Variants in ANGPT2 observed in about 807,000 individuals in gnomAD.
The protein encoded by ANGPT2 is angiopoietin 2, also known as angiopoietin-2.
ANGPT2 carries 28 observed loss-of-function variants against 62.9 expected under a neutral mutation model. The ratio of observed to expected loss-of-function variants is 0.44; its 90% CI spans 0.33 to 0.61. The LOEUF is 0.61. Among genes scored for constraint, ANGPT2 ranks in the 20% least tolerant of loss-of-function variants. The pLI is 0.03. For synonymous variants in ANGPT2, 284 were observed against 207.8 expected, an observed-to-expected ratio of 1.37 and a Z score of -3.15; for missense variants, 727 against 594.9, an observed-to-expected ratio of 1.22 and a Z score of -2.31.
intron 8 of ANGPT2, among the ~76,000 whole-genome samples, chr8:6,506,837 G>C (rs1813822768): frequency 6.7e-6 from 1 of 149,872 alleles, no homozygotes; most frequent in Non-Finnish European, 1.5e-5. Context: ...GAAATTTAAA[G>C]ACATGAAAAT....
rs1811995301 is a variant in ANGPT2, at chr8:6,500,716, G to A, written c.*2385C>T. 6.6e-6 allele frequency: 1 copy of A among 152,108 alleles called. No individual in the cohort carries two copies. The highest frequency in any genetic ancestry group is 1.5e-5 in the Non-Finnish European group (1 of 68,020). The allele number at this position is 152,108 out of a possible 1,614,324, so 9.4% of individuals were successfully genotyped here. On this transcript the variant is annotated 3_prime_UTR_variant, in exon 9 of 9. Coordinates refer to ENST00000629816, the MANE Select transcript of ANGPT2 (RefSeq NM_001118887.2). ...TTCAGCTTTATAAACATTTTCTTAA[G>A]GAGAGACAAAAGCTCCTCTCAGCAA...
At chr8:6,538,650 T>C (rs1294629346) in intron 1 of ANGPT2, among the ~76,000 whole-genome samples, 1 of 152,162 alleles carries the variant, frequency 6.6e-6, no homozygotes, top group African/African-American at 2.4e-5. Flanking sequence ...CCATCCCCCA[T>C]TGCATGCCCT....
In ANGPT2 at chr8:6,501,553, CT is replaced by C. The variant is rs761570329; in HGVS notation, c.*1547del. 0.018 allele frequency: 2,346 copies of C among 127,978 alleles called. 34 individuals carry two copies. Among genetic ancestry groups the C allele is most frequent in the African/African-American group, 0.06 (2,048 of 34,110 alleles). The allele number at this position is 127,978 out of a possible 1,614,324, so 7.9% of individuals were successfully genotyped here. The stretch of plus-strand genomic sequence containing the variant: ...TGTGTTCTCAAATTTTCTTTTCTTT[CT>C]TTTTTTTTTTTTTTTTTTGAGATGG... On this transcript the variant is annotated 3_prime_UTR_variant, in exon 9 of 9. Transcript: ENST00000629816.
At chr8:6,512,186 C>T (rs1329515134) in intron 7 of ANGPT2, among the ~76,000 whole-genome samples, 2 of 152,162 alleles carry the variant, frequency 1.3e-5, no homozygotes, top group Non-Finnish European at 2.9e-5. Context: ...GTTTCTCAAA[C>T]ATGCTTCTGA....
At chr8:6,530,379 T>A (rs1353830551) in intron 2 of ANGPT2, among the ~76,000 whole-genome samples, 1 of 152,002 alleles carries the variant, frequency 6.6e-6, no homozygotes, top group African/African-American at 2.4e-5. Context: ...TGTGGTAGCC[T>A]GCACCTGTAA....
chr8:6,553,865 T>C (rs973041165), intron 1 of ANGPT2, among the ~76,000 whole-genome samples: 2 of 152,134 alleles, frequency 1.3e-5, no homozygotes, highest in East Asian at 1.9e-4. Flanking sequence ...TGGATTTACA[T>C]GTAAGACAAC....
At chr8:6,528,103 G>A (rs1322828638) in intron 2 of ANGPT2, among the ~76,000 whole-genome samples, 1 of 152,022 alleles carries the variant, frequency 6.6e-6, no homozygotes, top group East Asian at 1.9e-4. Context: ...CACCATGTTG[G>A]CCAGGCTGGT....
At chr8:6,562,147 T>A (rs918896679) in intron 1 of ANGPT2, among the ~76,000 whole-genome samples, 1 of 152,202 alleles carries the variant, frequency 6.6e-6, no homozygotes, top group African/African-American at 2.4e-5. Context: ...CCTATTTTAG[T>A]AAATAAATTC....
intron 1 of ANGPT2, among the ~76,000 whole-genome samples, chr8:6,556,266 G>A (rs1460155798): frequency 6.6e-6 from 1 of 152,058 alleles, no homozygotes; most frequent in East Asian, 1.9e-4. Flanking sequence ...TATTAAGAAT[G>A]TTTATTTCAG....
chr8:6,553,856 G>T (rs1824118485), intron 1 of ANGPT2, among the ~76,000 whole-genome samples: 1 of 152,012 alleles, frequency 6.6e-6, no homozygotes, highest in Non-Finnish European at 1.5e-5. Context: ...CACTGGCTGT[G>T]GATTTACATG....
chr8:6,531,056 T>A (rs1206218986), intron 2 of ANGPT2, among the ~76,000 whole-genome samples: 1 of 152,204 alleles, frequency 6.6e-6, no homozygotes, highest in East Asian at 1.9e-4. Context: ...TTCAGAAGCA[T>A]GTAAAGAAGC....
rs1211598004 is a variant in ANGPT2 at position 6,533,558 on chromosome 8, G to C, written c.289-1071C>G. Among the ~76,000 whole-genome samples the C allele has an allele frequency of 2.8e-5, 4 of 144,478 alleles. No homozygotes were observed. The East Asian group carries it at 8.3e-4, about 30-fold the overall frequency. 94.8% of individuals were successfully genotyped at this position (144,478 alleles called of 152,430 possible). On this transcript the variant is annotated intron_variant, in intron 1 of 8. Coordinates refer to ENST00000629816, the MANE Select transcript of ANGPT2 (RefSeq NM_001118887.2). ...GTGTATGCGTAACTCCAGATACTTA[G>C]CGTTTAGTTTCTTTTTTTTTTTTTT...
chr8:6,556,004 T>A (rs1824545271), intron 1 of ANGPT2, among the ~76,000 whole-genome samples: 1 of 152,200 alleles, frequency 6.6e-6, no homozygotes, highest in African/African-American at 2.4e-5. Flanking sequence ...CTGTCAAGTC[T>A]GCTGTGGGGA....
intron 7 of ANGPT2, among the ~76,000 whole-genome samples, chr8:6,512,227 T>C (rs1815287897): frequency 6.6e-6 from 1 of 152,240 alleles, no homozygotes; most frequent in Non-Finnish European, 1.5e-5. Context: ...CAGCAGGACA[T>C]ACTGGGCATT....
intron 1 of ANGPT2, among the ~76,000 whole-genome samples, chr8:6,549,420 C>T (rs1214841472): frequency 6.6e-6 from 1 of 152,180 alleles, no homozygotes; most frequent in Non-Finnish European, 1.5e-5. Flanking sequence ...GGTGACAGAG[C>T]AGAGTCAGGA....
chr8:6,548,030 TG>T (rs2129574631), intron 1 of ANGPT2, among the ~76,000 whole-genome samples: 1 of 152,244 alleles, frequency 6.6e-6, no homozygotes, highest in South Asian at 2.1e-4. Context: ...CACATTTAAG[TG>T]GTCCAAGTGC....
intron 1 of ANGPT2, among the ~76,000 whole-genome samples, chr8:6,554,370 C>T (rs1278059145): frequency 6.6e-6 from 1 of 151,786 alleles, no homozygotes; most frequent in Non-Finnish European, 1.5e-5. Context: ...ACGTTCTCGC[C>T]CCCAAAAGCC....
In ANGPT2 at chr8:6,521,248, A is replaced by G. The variant is rs765657701; in HGVS notation, c.729T>C (p.Val243=). 4 of 1,613,808 alleles carry G rather than the reference A, an allele frequency of 2.5e-6. No homozygotes were observed. The highest frequency in any genetic ancestry group is 1.6e-4 in the Middle Eastern group (1 of 6,080). Residue 243 remains valine, a synonymous_variant, in exon 4 of 9, where the codon GTT becomes GTC. Transcript: ENST00000629816. ...TGAGATCATGTTGCTGCTTCTGAAG[A>G]ACTGAATTATTCACCGTGGCAGTCA... ...KIVTATVNNS[V]LQKQQHDLME...
intron 2 of ANGPT2, among the ~76,000 whole-genome samples, chr8:6,530,789 C>A (rs970792769): frequency 2.2e-4 from 33 of 152,192 alleles, no homozygotes; most frequent in African/African-American, 7.7e-4. Context: ...CATTTCACTA[C>A]TGTTTTCTCT....
Sources: gnomAD v4.1 joint callset for allele counts (sites outside exome capture counted in the v4.1 genomes callset) on GRCh38, gnomAD v4.1.1 for gene constraint, MANE v1.5 for transcripts, NCBI Gene and HGNC (gene_info 2026-07-23, HGNC 2026-07-21) for gene names.